Variants in COL19A1 observed in about 807,000 individuals in gnomAD.
COL19A1 encodes collagen alpha-1(XIX) chain.
A neutral mutation model predicts 190.2 loss-of-function variants in COL19A1; 159 were observed. The ratio of observed to expected loss-of-function variants is 0.84; its 90% confidence interval spans 0.73 to 0.95. The LOEUF (loss-of-function observed/expected upper bound fraction) is 0.95. Among genes scored for constraint, COL19A1 ranks in the 40% least tolerant of loss-of-function variants. COL19A1 has a pLI of 0.00. For synonymous variants in COL19A1, 509 were observed against 458.9 expected, an observed-to-expected ratio of 1.11 and a Z score of -1.39; for missense variants, 1,418 against 1,431.9, an observed-to-expected ratio of 0.99 and a Z score of 0.16.
In COL19A1 at chr6:69,879,780, A is replaced by G. The variant is rs1768391267; in HGVS notation, c.91+122A>G. 5.9e-6 allele frequency: 5 copies of G among 854,166 alleles called. No homozygotes were observed. The South Asian group carries it at 9.3e-5, about 16-fold the overall frequency. The allele number at this position is 854,166 out of a possible 1,614,324, so 52.9% of individuals were successfully genotyped here. On this transcript the variant is annotated intron_variant, in intron 2 of 50. Coordinates refer to ENST00000620364, the MANE Select transcript of COL19A1 (RefSeq NM_001858.6). ...ATGTACTATAACAGAATAAATTACA[A>G]TTCATTGCTTTCTTCCATTGATCTT...
chr6:70,058,813 T>G (rs1006977385), intron 14 of COL19A1, among the ~76,000 whole-genome samples: 12 of 151,964 alleles, frequency 7.9e-5, no homozygotes, highest in African/African-American at 2.9e-4. Context: ...AATAGAGAAG[T>G]GAGGAAAGTT....
intron 9 of COL19A1, among the ~76,000 whole-genome samples, chr6:69,949,444 A>T (rs1360789336): frequency 6.6e-6 from 1 of 151,880 alleles, no homozygotes; most frequent in Non-Finnish European, 1.5e-5. Context: ...TATTGAAAAT[A>T]ATTCTAAAGA....
intron 4 of COL19A1, among the ~76,000 whole-genome samples, chr6:69,921,436 C>CATATATATCATATATG (rs1561998237): frequency 6.6e-5 from 8 of 121,320 alleles, no homozygotes; most frequent in African/African-American, 2.9e-4. Context: ...TCATATATAT[C>CATATATATCATATATG]ATATATATCA....
At chr6:70,046,402 C>G (rs937381342) in intron 14 of COL19A1, among the ~76,000 whole-genome samples, 3 of 152,156 alleles carry the variant, frequency 2.0e-5, no homozygotes, top group Non-Finnish European at 4.4e-5. Flanking sequence ...ATACAATGGC[C>G]TACAAAGTCT....
intron 12 of COL19A1, among the ~76,000 whole-genome samples, chr6:70,024,991 C>T (rs1175786367): frequency 1.3e-5 from 2 of 151,370 alleles, no homozygotes; most frequent in Non-Finnish European, 2.9e-5. Context: ...GATCACTTCT[C>T]AGAGTCTGTA....
chr6:70,043,074 T>C (rs6936017), intron 14 of COL19A1, among the ~76,000 whole-genome samples: 66,597 of 152,094 alleles, frequency 0.44, 15,680 homozygotes, highest in Non-Finnish European at 0.52. Context: ...TGACCTCCTC[T>C]GTGAATCACA....
chr6:70,068,331 ATC>A, intron 14 of COL19A1, 90 bp from the exon 15 acceptor site: 1 of 886,280 alleles, frequency 1.1e-6, no homozygotes, highest in Non-Finnish European at 1.9e-6. Context: ...GTTTGTTTTA[ATC>A]AACAAAATAA....
chr6:70,021,400 A>G (rs1180682890), intron 11 of COL19A1, among the ~76,000 whole-genome samples: 2 of 152,142 alleles, frequency 1.3e-5, no homozygotes, highest in Non-Finnish European at 2.9e-5. Context: ...CTTACCATCT[A>G]TGAGAATCAT....
chr6:69,973,595 G>C (rs1427993036), intron 11 of COL19A1, among the ~76,000 whole-genome samples: 1 of 148,778 alleles, frequency 6.7e-6, no homozygotes, highest in Non-Finnish European at 1.5e-5. Context: ...GGTTTTTAAT[G>C]TATAAAAAAA....
intron 9 of COL19A1, among the ~76,000 whole-genome samples, chr6:69,954,431 G>T (rs1774296817): frequency 6.6e-6 from 1 of 151,996 alleles, no homozygotes; most frequent in East Asian, 1.9e-4. Flanking sequence ...ATAGAGAAGA[G>T]AAATAGAGAA....
chr6:70,100,006 A>G (rs1783525517), intron 15 of COL19A1, among the ~76,000 whole-genome samples: 1 of 152,196 alleles, frequency 6.6e-6, no homozygotes, highest in Admixed American at 6.5e-5. Flanking sequence ...GTTATGTTAC[A>G]ATATCTGACA....
chr6:69,916,787 A>T lies in COL19A1; in HGVS notation c.267-11122A>T, dbSNP rs147475368. On this transcript the variant is annotated intron_variant, in intron 4 of 50. Coordinates refer to ENST00000620364, the MANE Select transcript of COL19A1 (RefSeq NM_001858.6). Reference sequence around the variant, plus strand: ...TTTCCCCTCATAGTGCCAAAATATTACTTTTAAGTCAGGTTGGTAATGATG... The same window carrying T: ...TTTCCCCTCATAGTGCCAAAATATTTCTTTTAAGTCAGGTTGGTAATGATG... Among the ~76,000 whole-genome samples, 125 of 152,326 alleles carry T rather than the reference A, an allele frequency of 8.2e-4. 1 individual carries two copies. The highest frequency in any genetic ancestry group is 1.5e-3 in the Non-Finnish European group (104 of 68,008).
At chr6:69,950,498 G>A (rs1774061128) in intron 9 of COL19A1, among the ~76,000 whole-genome samples, 1 of 151,762 alleles carries the variant, frequency 6.6e-6, no homozygotes, top group Admixed American at 6.6e-5. Flanking sequence ...TTCGGTAAGT[G>A]TTCTGTTATG....
intron 9 of COL19A1, among the ~76,000 whole-genome samples, chr6:69,940,696 C>G (rs560001625): frequency 1.3e-5 from 2 of 152,154 alleles, no homozygotes; most frequent in Non-Finnish European, 2.9e-5. Context: ...ATAATCTACA[C>G]AACGAATAAC....
At chr6:69,894,625 C>A (rs1022150858) in intron 2 of COL19A1, among the ~76,000 whole-genome samples, 1 of 152,190 alleles carries the variant, frequency 6.6e-6, no homozygotes, top group African/African-American at 2.4e-5. Context: ...GAAGAAAACC[C>A]AGTCGCTGGG....
chr6:70,157,557 A>C (rs750592923), intron 34 of COL19A1, among the ~76,000 whole-genome samples: 2 of 152,124 alleles, frequency 1.3e-5, no homozygotes, highest in Non-Finnish European at 2.9e-5. Flanking sequence ...TATATTTTAC[A>C]TTACCAGTAA....
chr6:70,163,303 ATTG>A (rs1446239547), intron 35 of COL19A1, 37 bp from the exon 36 acceptor site: 3 of 1,593,332 alleles, frequency 1.9e-6, no homozygotes, highest in Non-Finnish European at 1.7e-6. Flanking sequence ...TGGCCATTTA[ATTG>A]TTGTTTCTGT....
intron 43 of COL19A1, 52 bp from the exon 44 acceptor site, chr6:70,180,409 A>G: frequency 6.2e-7 from 1 of 1,614,004 alleles, no homozygotes; most frequent in Non-Finnish European, 8.5e-7. Context: ...ACTTGCATGC[A>G]GTTTTAAAAC....
chr6:70,191,371 T>C (rs1316616233), intron 48 of COL19A1, among the ~76,000 whole-genome samples: 1 of 152,190 alleles, frequency 6.6e-6, no homozygotes, highest in African/African-American at 2.4e-5. Context: ...TCATTTGTGT[T>C]CATATCTTGT....
Sources: gnomAD v4.1 joint callset for allele counts (sites outside exome capture counted in the v4.1 genomes callset) on GRCh38, gnomAD v4.1.1 for gene constraint, MANE v1.5 for transcripts, NCBI Gene and HGNC (gene_info 2026-07-23, HGNC 2026-07-21) for gene names.